The following PLCH1 variants were observed in gnomAD, a reference collection of about 807,000 sequenced individuals.
The protein encoded by PLCH1 is phospholipase C eta 1.
In PLCH1, 60 loss-of-function variants were observed where a neutral mutation model predicts 126.7. That is an observed-to-expected ratio of 0.47 (90% CI 0.38 to 0.59). The LOEUF (loss-of-function observed/expected upper bound fraction) is 0.59. PLCH1 is among the 20% of genes least tolerant of loss of function. The probability of loss-of-function intolerance (pLI) is 0.00; values close to 1 mark genes in which losing one functional copy is unlikely to be tolerated. For synonymous variants in PLCH1, 719 were observed against 734.9 expected (o/e 0.98, Z 0.35); for missense variants, 1,723 against 2,040.0 (o/e 0.84, Z 2.99).
At chr3:155,591,841 A>C (rs1251337392) in intron 4 of PLCH1, among the ~76,000 whole-genome samples, 2 of 152,094 alleles carry the variant, frequency 1.3e-5, no homozygotes, top group Non-Finnish European at 2.9e-5. Context: ...AGTAGCCGGC[A>C]CTACAGGCAT....
At chr3:155,703,446 C>T (rs1181852582) in intron 2 of PLCH1, among the ~76,000 whole-genome samples, 1 of 152,182 alleles carries the variant, frequency 6.6e-6, no homozygotes, top group Non-Finnish European at 1.5e-5. Context: ...GGTATCTTGA[C>T]AGCAGGATTG....
chr3:155,696,605 A>C (rs1488560802), intron 2 of PLCH1, among the ~76,000 whole-genome samples: 2 of 152,244 alleles, frequency 1.3e-5, no homozygotes, highest in Non-Finnish European at 2.9e-5. Flanking sequence ...CAAAGGCTTA[A>C]ATTTGTAACA....
chr3:155,619,327 C>T (rs1736172687), intron 2 of PLCH1, among the ~76,000 whole-genome samples: 2 of 151,330 alleles, frequency 1.3e-5, no homozygotes, highest in African/African-American at 4.9e-5. Context: ...GGGCAGTGTA[C>T]AGTACAGGAG....
chr3:155,497,433 A>G lies in PLCH1; in HGVS notation c.1797-16T>C, dbSNP rs368586154. 1.9e-6 allele frequency: 3 copies of G among 1,560,934 alleles called. No homozygotes were observed. Among genetic ancestry groups the G allele is most frequent in the African/African-American group, 1.4e-5 (1 of 73,824 alleles). On this transcript the variant is annotated splice_polypyrimidine_tract_variant and intron_variant, in intron 14 of 22. Coordinates refer to ENST00000460012, the MANE Select transcript of PLCH1 (RefSeq NM_014996.4). ...GCGACCCAATCTGTGAAGTACCCAC[A>G]GAGGATGCATGACATTTTGGAGTTG...
intron 14 of PLCH1, among the ~76,000 whole-genome samples, chr3:155,498,503 C>T (rs1279041664): frequency 6.6e-6 from 1 of 152,146 alleles, no homozygotes; most frequent in Non-Finnish European, 1.5e-5. Flanking sequence ...GCTGGATTCC[C>T]ACTGTGACCC....
chr3:155,536,434 C>T (rs577643538), intron 10 of PLCH1, among the ~76,000 whole-genome samples: 1 of 152,098 alleles, frequency 6.6e-6, no homozygotes, highest in Non-Finnish European at 1.5e-5. Flanking sequence ...GTAATGCAGA[C>T]TATGGATGAA....
intron 14 of PLCH1, among the ~76,000 whole-genome samples, chr3:155,498,694 T>C (rs1025774022): frequency 7.2e-5 from 11 of 152,186 alleles, no homozygotes; most frequent in African/African-American, 2.7e-4. Flanking sequence ...ACAAAGGATG[T>C]TTACTTTCTT....
In PLCH1 at chr3:155,604,215, C is replaced by T. The variant is rs7610466; in HGVS notation, c.80-7837G>A. On this transcript the variant is annotated intron_variant, in intron 2 of 22. Transcript: ENST00000460012. ...TTTATTCATATAAAACTGCTCTTCA[C>T]AGCAAATGGCTTCACTTAAAAAGCT... Among the ~76,000 whole-genome samples the T allele has an allele frequency of 4.0e-3, 604 of 152,154 alleles. 5 individuals carry two copies. Among genetic ancestry groups the T allele is most frequent in the African/African-American group, 0.014 (579 of 41,550 alleles).
intron 4 of PLCH1, among the ~76,000 whole-genome samples, chr3:155,586,624 T>C (rs1190237161): frequency 8.5e-5 from 13 of 152,066 alleles, no homozygotes; most frequent in Admixed American, 6.6e-5. Flanking sequence ...GGAGAACTGC[T>C]TGAACCCGGG....
chr3:155,599,939 A>G (rs1560226625), intron 2 of PLCH1, among the ~76,000 whole-genome samples: 1 of 152,188 alleles, frequency 6.6e-6, no homozygotes, highest in Admixed American at 6.5e-5. Context: ...TTAGCATAAA[A>G]TCATATAAAT....
chr3:155,514,950 G>T, intron 11 of PLCH1, 66 bp from the exon 12 acceptor site: 2 of 1,068,846 alleles, frequency 1.9e-6, no homozygotes, highest in South Asian at 4.2e-5. Context: ...TATACCCTTT[G>T]ATCAAGCCAC....
chr3:155,618,913 T>C (rs1736117865), intron 2 of PLCH1, among the ~76,000 whole-genome samples: 1 of 152,172 alleles, frequency 6.6e-6, no homozygotes, highest in South Asian at 2.1e-4. Context: ...CTCTTTGATT[T>C]GCCCAACTCA....
chr3:155,519,894 CCTTT>C (rs1326235957), intron 11 of PLCH1, among the ~76,000 whole-genome samples: 1 of 151,628 alleles, frequency 6.6e-6, no homozygotes, highest in East Asian at 1.9e-4. Flanking sequence ...ATATTGCTGC[CCTTT>C]CTGAGTGCCT....
At chr3:155,605,435 A>G (rs1327000447) in intron 2 of PLCH1, among the ~76,000 whole-genome samples, 2 of 152,348 alleles carry the variant, frequency 1.3e-5, no homozygotes, top group East Asian at 3.9e-4. Flanking sequence ...ACTTTAAAGA[A>G]CTTTTGGATT....
At chr3:155,526,443 T>C (rs948745898) in intron 10 of PLCH1, among the ~76,000 whole-genome samples, 14 of 138,598 alleles carry the variant, frequency 1.0e-4, no homozygotes, top group South Asian at 4.8e-4. Flanking sequence ...CTCTCTCTCT[T>C]TTTCTCTCTC....
chr3:155,604,170 A>G (rs116304581), intron 2 of PLCH1, among the ~76,000 whole-genome samples: 197 of 151,922 alleles, frequency 1.3e-3, no homozygotes, highest in African/African-American at 4.5e-3. Flanking sequence ...ATAAATATAT[A>G]TATAAACTAA....
intron 10 of PLCH1, among the ~76,000 whole-genome samples, chr3:155,536,953 C>T (rs1008836324): frequency 4.0e-5 from 6 of 151,868 alleles, no homozygotes; most frequent in Middle Eastern, 3.2e-3. Flanking sequence ...TAAAGAAAAA[C>T]CTATAAGATT....
intron 21 of PLCH1, among the ~76,000 whole-genome samples, chr3:155,474,669 A>G (rs2107986616): frequency 7.7e-6 from 1 of 129,906 alleles, no homozygotes; most frequent in Non-Finnish European, 1.6e-5. Flanking sequence ...AAAGACTTGG[A>G]ACCAACCCAA....
At chr3:155,711,445 G>A (rs1350331890) in intron 1 of PLCH1, among the ~76,000 whole-genome samples, 3 of 151,948 alleles carry the variant, frequency 2.0e-5, no homozygotes, top group African/African-American at 7.3e-5. Flanking sequence ...TTTTAACTAA[G>A]AAAAGTGGGA....
Sources: allele counts gnomAD v4.1 joint callset (sites outside exome capture counted in the v4.1 genomes callset), GRCh38; gene constraint gnomAD v4.1.1; transcripts MANE v1.5; gene names NCBI Gene and HGNC (gene_info 2026-07-23, HGNC 2026-07-21).